Variants in PKD1L3 observed in about 807,000 individuals in gnomAD.
PKD1L3 encodes polycystin 1 like 3, transient receptor potential channel interacting.
Under a neutral mutation model 184.1 loss-of-function variants are expected in PKD1L3, and 239 were observed. The ratio of observed to expected loss-of-function variants is 1.30; its 90% confidence interval spans 1.17 to 1.45. The LOEUF (loss-of-function observed/expected upper bound fraction) is 1.45, where lower values mean the gene tolerates loss of function less well. PKD1L3 is among the 40% of genes most tolerant of loss of function. The pLI, the probability that PKD1L3 is intolerant of heterozygous loss-of-function variation, is 0.00. For synonymous variants in PKD1L3, 996 were observed against 778.8 expected (o/e 1.28, Z -4.64); for missense variants, 2,660 against 2,067.2 (o/e 1.29, Z -5.56).
intron 24 of PKD1L3, among the ~76,000 whole-genome samples, chr16:71,940,955 C>A (rs1178554000): frequency 6.6e-6 from 1 of 152,068 alleles, no homozygotes; most frequent in Admixed American, 6.5e-5. Flanking sequence ...GCCACCTCAG[C>A]CTCCCAAGTA....
chr16:71,977,702 T>C (rs564650393), intron 10 of PKD1L3, among the ~76,000 whole-genome samples: 6 of 148,304 alleles, frequency 4.0e-5, no homozygotes, highest in African/African-American at 1.5e-4. Flanking sequence ...CAGCCAGGTC[T>C]TCCTCATTGG....
intron 22 of PKD1L3, among the ~76,000 whole-genome samples, chr16:71,946,535 T>C (rs553315691): frequency 3.9e-5 from 6 of 152,012 alleles, no homozygotes; most frequent in Non-Finnish European, 8.8e-5. Context: ...GGTGATAAGT[T>C]AGCCCTAGTC....
At chr16:71,963,892 G>A (rs375004443) in intron 15 of PKD1L3, among the ~76,000 whole-genome samples, 1 of 152,110 alleles carries the variant, frequency 6.6e-6, no homozygotes, top group Non-Finnish European at 1.5e-5. Flanking sequence ...GAATAGATAA[G>A]TATGTATCTA....
chr16:71,977,528 T>A, intron 10 of PKD1L3, 61 bp from the exon 11 acceptor site: 3 of 1,318,970 alleles, frequency 2.3e-6, no homozygotes, highest in Non-Finnish European at 3.2e-6. Context: ...TCAAAATCCT[T>A]TATATTGATA....
At chr16:71,954,926 G>C (rs971462627) in intron 16 of PKD1L3, among the ~76,000 whole-genome samples, 14 of 152,240 alleles carry the variant, frequency 9.2e-5, no homozygotes, top group Middle Eastern at 3.4e-3. Context: ...GTGCAGAAAA[G>C]GGAGGGACAA....
chr16:71,967,722 C>T (rs2039554970), intron 14 of PKD1L3, among the ~76,000 whole-genome samples, 184 bp downstream of exon 14: 1 of 152,148 alleles, frequency 6.6e-6, no homozygotes, highest in Non-Finnish European at 1.5e-5. Context: ...ACCTTGGCCT[C>T]CCAAAGTATT....
chr16:71,981,134 G>A (rs1247452146), intron 7 of PKD1L3, among the ~76,000 whole-genome samples: 3 of 152,210 alleles, frequency 2.0e-5, no homozygotes, highest in East Asian at 1.9e-4. Flanking sequence ...GATCATAGAT[G>A]TGTGGGTTAT....
At position 71,949,819 on chromosome 16, in the gene PKD1L3, T is replaced by A. The variant is rs1430075593; in HGVS notation, c.3582A>T (p.Ser1194=). Reference sequence around the variant, plus strand: ...GGCTGATGAAGATGTTCTGAAGCACTGATAAAATAATTGAAATCATCCAGC... The same window carrying A: ...GGCTGATGAAGATGTTCTGAAGCACAGATAAAATAATTGAAATCATCCAGC... The part of the protein sequence containing the change: ...ATSWMISIIL[S]VLQNIFISQP... The change falls in exon 21 of 30, where the codon TCA becomes TCT. Residue 1194 remains serine (S), a synonymous_variant. Transcript: ENST00000620267. 1 of 1,551,312 alleles carries A rather than the reference T, an allele frequency of 6.4e-7. No homozygotes were observed. The highest frequency in any genetic ancestry group is 8.7e-7 in the Non-Finnish European group (1 of 1,146,954).
chr16:71,971,979 G>A (rs372187261), intron 12 of PKD1L3, among the ~76,000 whole-genome samples: 1 of 152,148 alleles, frequency 6.6e-6, no homozygotes, highest in Non-Finnish European at 1.5e-5. Context: ...CACTTTGGGA[G>A]GCCGAGGCAG....
At chr16:71,974,104 C>A (rs1422807248) in intron 11 of PKD1L3, among the ~76,000 whole-genome samples, 1 of 151,944 alleles carries the variant, frequency 6.6e-6, no homozygotes, top group Non-Finnish European at 1.5e-5. Context: ...ATGAAATGAG[C>A]ACATATCTAA....
Position 71,979,797 on chromosome 16 carries a change from C to T in PKD1L3, c.1387G>A (p.Val463Ile), listed in dbSNP as rs1167857673. The T allele has an allele frequency of 6.6e-7, 1 of 1,505,420 alleles. No individual in the cohort carries two copies. The highest frequency in any genetic ancestry group is 8.8e-7 in the Non-Finnish European group (1 of 1,131,976). 93.3% of individuals were successfully genotyped at this position (1,505,420 alleles called of 1,614,324 possible). Residue 463 changes from valine (V) to isoleucine (I), a missense_variant, in exon 9 of 30, where the codon GTT becomes ATT. Val to Ile is a conservative substitution (Grantham distance 29). Coordinates refer to ENST00000620267, the MANE Select transcript of PKD1L3 (RefSeq NM_181536.2). ...AATTTCACACTCACTTGGACATTAA[C>T]TCCTGGATGTTTATTCAAGAGCTCC... ...LKELLNKHPGVNVQITGLAFN... is the reference protein window; with the variant it reads ...LKELLNKHPGINVQITGLAFN...
chr16:71,985,652 C>G (rs1305836334), intron 5 of PKD1L3, among the ~76,000 whole-genome samples: 4 of 152,152 alleles, frequency 2.6e-5, no homozygotes, highest in Admixed American at 2.6e-4. Flanking sequence ...CTAAGCTGGT[C>G]TCAAACTCGG....
intron 22 of PKD1L3, among the ~76,000 whole-genome samples, chr16:71,946,596 C>T (rs371198486): frequency 2.0e-3 from 303 of 151,584 alleles, no homozygotes; most frequent in Admixed American, 3.4e-3. Flanking sequence ...TAGGCACTCT[C>T]CAGCATGGTG....
intron 13 of PKD1L3, 116 bp downstream of exon 13, chr16:71,969,759 T>C (rs2143612760): frequency 1.1e-6 from 1 of 896,358 alleles, no homozygotes; most frequent in East Asian, 2.7e-5. Flanking sequence ...TCACTTGAAT[T>C]TCTATGCCTC....
chr16:71,934,136 G>C lies in PKD1L3; in HGVS notation c.4614-11C>G. ...TAGAAGCTGATGAATCTGCACCAAG[G>C]AAAGCTGACAGTTACTCAGCAAGAA... On this transcript the variant is annotated splice_polypyrimidine_tract_variant and intron_variant, in intron 26 of 29. Transcript: ENST00000620267. 1 of 1,551,458 alleles carries C rather than the reference G, an allele frequency of 6.4e-7. No individual in the cohort carries two copies. Among genetic ancestry groups the C allele is most frequent in the South Asian group, 1.2e-5 (1 of 84,044 alleles).
At chr16:71,931,618 C>T (rs1407536687) in intron 28 of PKD1L3, among the ~76,000 whole-genome samples, 1 of 151,884 alleles carries the variant, frequency 6.6e-6, no homozygotes, top group Non-Finnish European at 1.5e-5. Flanking sequence ...GTTCCCACCA[C>T]CATGCCTGGC....
Position 71,949,889 on chromosome 16 carries a change from A to C in PKD1L3, c.3512T>G (p.Phe1171Cys), listed in dbSNP as rs1191502545. 2 of 1,551,686 alleles carry C rather than the reference A, an allele frequency of 1.3e-6. No homozygotes were observed. The highest frequency in any genetic ancestry group is 1.7e-6 in the Non-Finnish European group (2 of 1,146,988). Residue 1171 changes from phenylalanine to cysteine, a missense_variant, in exon 21 of 30, where the codon TTT becomes TGT. Physicochemically the swap from Phe to Cys is radical, Grantham distance 205. Coordinates refer to ENST00000620267, the MANE Select transcript of PKD1L3 (RefSeq NM_181536.2). ...CAATTCCAAGCTATAAAGTGCTGTA[A>C]AAAAGGCTGAAGCCAGGCTAGTGAA... ...LGFTSLASAF[F>C]TALYSLELSK... is the part of the protein sequence containing the mutation.
intron 2 of PKD1L3, 99 bp downstream of exon 2, chr16:71,998,173 C>G: frequency 2.1e-6 from 3 of 1,452,546 alleles, no homozygotes. Flanking sequence ...CATGGTCTAA[C>G]ACTCACAGAC....
chr16:71,948,922 A>C (rs573168832), intron 21 of PKD1L3, among the ~76,000 whole-genome samples: 5 of 151,744 alleles, frequency 3.3e-5, no homozygotes, highest in African/African-American at 1.2e-4. Context: ...CATCACCCCC[A>C]AAATTCCCTC....
Sources: allele counts gnomAD v4.1 joint callset (sites outside exome capture counted in the v4.1 genomes callset), GRCh38; gene constraint gnomAD v4.1.1; transcripts MANE v1.5; gene names NCBI Gene and HGNC (gene_info 2026-07-23, HGNC 2026-07-21).